SYNJ1: variants seen among roughly 807,000 people sequenced by gnomAD.
The protein encoded by SYNJ1 is polyphosphatidylinositol phosphatase SYNJ1.
SYNJ1 carries 78 observed loss-of-function variants against 168.2 expected under a neutral mutation model. The observed-to-expected ratio is 0.46, with a 90% CI of 0.39 to 0.56. SYNJ1 has a LOEUF of 0.56. SYNJ1 is among the 20% of genes least tolerant of loss of function. SYNJ1 has a pLI of 0.00. For missense variants in SYNJ1, 1,303 were observed against 1,597.6 expected, an observed-to-expected ratio of 0.82 and a Z score of 3.14; for synonymous variants, 539 against 548.6, an observed-to-expected ratio of 0.98 and a Z score of 0.24.
At chr21:32,673,044 T>C (rs1420885383) in intron 14 of SYNJ1, among the ~76,000 whole-genome samples, 2 of 152,224 alleles carry the variant, frequency 1.3e-5, no homozygotes, top group Non-Finnish European at 2.9e-5. Context: ...CTTATATGTG[T>C]GGTTGCCTTC....
chr21:32,645,674 A>C lies in SYNJ1; in HGVS notation c.3363T>G (p.Ala1121=). 1 of 1,518,774 alleles carries C rather than the reference A, an allele frequency of 6.6e-7. No homozygotes were observed. Among genetic ancestry groups the C allele is most frequent in the Non-Finnish European group, 8.8e-7 (1 of 1,138,714 alleles). 94.1% of individuals were successfully genotyped at this position (1,518,774 alleles called of 1,614,324 possible). A position where few individuals can be genotyped will look rare whatever the true frequency, so the allele number is the denominator to read the frequency against. ...PRPVAPPTRP[A]PPQRPPPPSG... ...AAGGCGGAGGAGGTCTCTGTGGGGG[A>C]GCCGGGCGTGTGGGAGGGGCGACCG... is the stretch of plus-strand genomic sequence containing the variant. Residue 1121 remains alanine, a synonymous_variant, in exon 25 of 33, where the codon GCT becomes GCG. Coordinates refer to ENST00000674351, the MANE Select transcript of SYNJ1 (RefSeq NM_203446.3).
At chr21:32,668,633 T>C (rs2041055742) in intron 15 of SYNJ1, among the ~76,000 whole-genome samples, 1 of 152,220 alleles carries the variant, frequency 6.6e-6, no homozygotes, top group African/African-American at 2.4e-5. Flanking sequence ...TATAATTTTC[T>C]CCTAAAAATC....
intron 5 of SYNJ1, 36 bp from the exon 6 acceptor site, chr21:32,694,347 C>T (rs1323496736): frequency 6.7e-7 from 1 of 1,487,622 alleles, no homozygotes; most frequent in East Asian, 2.5e-5. Flanking sequence ...ACTATTTCCA[C>T]AGAAAAGTTG....
chr21:32,631,794 G>A lies in SYNJ1; in HGVS notation c.*11C>T. On this transcript the variant is annotated 3_prime_UTR_variant, in exon 33 of 33. Coordinates refer to ENST00000674351, the MANE Select transcript of SYNJ1 (RefSeq NM_203446.3). ...TCTTTTGCCATCAGAGATTCCATTT[G>A]TTTTTACCTGCAAAAGAAAGGGAGC... 2 of 1,606,504 alleles carry A rather than the reference G, an allele frequency of 1.2e-6. No homozygotes were observed. Among genetic ancestry groups the A allele is most frequent in the South Asian group, 1.1e-5 (1 of 90,430 alleles).
At chr21:32,684,451 A>AT (rs2041746361) in intron 9 of SYNJ1, among the ~76,000 whole-genome samples, 1 of 152,190 alleles carries the variant, frequency 6.6e-6, no homozygotes, top group African/African-American at 2.4e-5. Flanking sequence ...ATAGAACAAA[A>AT]TTTTTTTAAA....
At chr21:32,664,756 T>C (rs999656808) in intron 18 of SYNJ1, among the ~76,000 whole-genome samples, 157 bp downstream of exon 18, 10 of 152,190 alleles carry the variant, frequency 6.6e-5, no homozygotes, top group African/African-American at 2.4e-4. Flanking sequence ...CTCATCCTGC[T>C]ACACTTTAAG....
chr21:32,718,889 C>G (rs928262884), intron 2 of SYNJ1, among the ~76,000 whole-genome samples: 1 of 152,170 alleles, frequency 6.6e-6, no homozygotes, highest in Admixed American at 6.5e-5. Flanking sequence ...CAATTACACT[C>G]TTAACCTTAA....
At chr21:32,647,169 A>C (rs1315790433) in intron 23 of SYNJ1, among the ~76,000 whole-genome samples, 1 of 152,204 alleles carries the variant, frequency 6.6e-6, no homozygotes, top group Non-Finnish European at 1.5e-5. Flanking sequence ...CTTGCAACCT[A>C]ACTGCCATTC....
At chr21:32,639,639 C>A in intron 30 of SYNJ1, 32 bp downstream of exon 30, 5 of 1,579,030 alleles carry the variant, frequency 3.2e-6, no homozygotes, top group Non-Finnish European at 4.3e-6. Context: ...CTCAAGTGAT[C>A]CTCCTGCCTC....
At chr21:32,682,438 T>C (rs1262233325) in intron 10 of SYNJ1, among the ~76,000 whole-genome samples, 2 of 152,148 alleles carry the variant, frequency 1.3e-5, no homozygotes, top group East Asian at 3.8e-4. Flanking sequence ...GTAAGTATGG[T>C]GATCATCCAT....
chr21:32,645,711 G>T lies in SYNJ1; in HGVS notation c.3326C>A (p.Pro1109Gln). Residue 1109 changes from proline (P) to glutamine (Q), a missense_variant, in exon 25 of 33, where the codon CCG becomes CAG. By Grantham distance (76) the Pro-to-Gln change is moderately conservative. This residue lies in a region of SYNJ1 where 383 missense variants were observed against 388.8 expected (regional missense o/e 0.99). Transcript: ENST00000674351. ...PAQPLEPKRPPPPRPVAPPTR... is the reference protein window; with the variant it reads ...PAQPLEPKRPQPPRPVAPPTR... ...GGGAGGGGCGACCGGGCGGGGCGGC[G>T]GCGGCCGCTTGGGCTCCAAGGGCTG... is the stretch of plus-strand genomic sequence containing the variant. 1 of 1,475,890 alleles carries T rather than the reference G, an allele frequency of 6.8e-7. No homozygotes were observed. The highest frequency in any genetic ancestry group is 2.4e-5 in the East Asian group (1 of 40,826). 91.4% of individuals were successfully genotyped at this position (1,475,890 alleles called of 1,614,324 possible).
At position 32,699,581 on chromosome 21, in the gene SYNJ1, C is replaced by T. The variant is rs556508636; in HGVS notation, c.479+257G>A. ...GAGTTCCGGGGCATTCTTTCCAACA[C>T]GTATACCACCCCCTCGTGCCTGCTC... On this transcript the variant is annotated intron_variant, in intron 4 of 32. Transcript: ENST00000674351. Among the ~76,000 whole-genome samples, 12 of 152,264 alleles carry T rather than the reference C, an allele frequency of 7.9e-5. No individual in the cohort carries two copies. The South Asian group carries it at 1.0e-3, about 13-fold the overall frequency.
chr21:32,696,644 ACT>A (rs756378119), intron 4 of SYNJ1, among the ~76,000 whole-genome samples: 3 of 151,914 alleles, frequency 2.0e-5, no homozygotes, highest in Non-Finnish European at 2.9e-5. Context: ...AGTGCTCCGT[ACT>A]CTCTCTCTCT....
At position 32,629,796 on chromosome 21, in the gene SYNJ1, T is replaced by A. The variant is rs1371457404; in HGVS notation, c.*2009A>T. 6.6e-6 allele frequency: 1 copy of A among 152,412 alleles called. No homozygotes were observed. The highest frequency in any genetic ancestry group is 1.5e-5 in the Non-Finnish European group (1 of 68,038). The allele number at this position is 152,412 out of a possible 1,614,324, so 9.4% of individuals were successfully genotyped here. A position where few individuals can be genotyped will look rare whatever the true frequency, so the allele number is the denominator to read the frequency against. On this transcript the variant is annotated 3_prime_UTR_variant, in exon 33 of 33. Coordinates refer to ENST00000674351, the MANE Select transcript of SYNJ1 (RefSeq NM_203446.3). ...AATTCTGTGTACTTCTTCAAAAAAT[T>A]AATAAAAGCGGGATCAGTTGCATAT...
intron 31 of SYNJ1, among the ~76,000 whole-genome samples, chr21:32,636,805 G>A (rs1227271194): frequency 6.6e-6 from 1 of 151,882 alleles, no homozygotes; most frequent in East Asian, 1.9e-4. Context: ...CTCCAAGAAA[G>A]AAAAGTGTGT....
intron 6 of SYNJ1, 31 bp from the exon 7 acceptor site, chr21:32,688,398 C>T (rs750266517): frequency 1.3e-6 from 2 of 1,578,996 alleles, no homozygotes. Context: ...TTAATCAAAC[C>T]AAAAACCAAC....
At chr21:32,643,310 G>T (rs2039924388) in intron 27 of SYNJ1, 100 bp downstream of exon 27, 4 of 1,231,494 alleles carry the variant, frequency 3.2e-6, no homozygotes. Flanking sequence ...ACCAAGAAAA[G>T]ATTTAGTATG....
chr21:32,672,346 G>GT (rs1055221279), intron 14 of SYNJ1, among the ~76,000 whole-genome samples: 11 of 149,136 alleles, frequency 7.4e-5, no homozygotes, highest in Non-Finnish European at 1.0e-4. Flanking sequence ...CTTTTTTTTT[G>GT]TTTTTTTGTT....
At position 32,650,270 on chromosome 21, in the gene SYNJ1, T is replaced by G; in HGVS notation, c.2951A>C (p.Glu984Ala). 1 of 1,614,126 alleles carries G rather than the reference T, an allele frequency of 6.2e-7. No homozygotes were observed. The highest frequency in any genetic ancestry group is 8.5e-7 in the Non-Finnish European group (1 of 1,180,006). The stretch of plus-strand genomic sequence containing the variant: ...TGATGGCAATGCAATGCTAATTTTC[T>G]CTAAACTCATTTCTTCTTCCAAATT... Reference protein sequence around the residue: ...IKNLEEEMSLEKISIALPSST... With the variant: ...IKNLEEEMSLAKISIALPSST... Residue 984 changes from glutamate (E) to alanine (A), a missense_variant, in exon 23 of 33, where the codon GAG (glutamate) becomes GCG (alanine). Physicochemically the swap from Glu to Ala is moderately radical, Grantham distance 107. Around this residue, in one of 2 missense-constraint regions of SYNJ1, gnomAD observed 920 missense variants for 1,208.8 expected, o/e 0.76. Transcript: ENST00000674351.
Sources: allele counts gnomAD v4.1 joint callset (sites outside exome capture counted in the v4.1 genomes callset), GRCh38; gene constraint gnomAD v4.1.1; regional missense constraint gnomAD v4.1.1; transcripts MANE v1.5; gene names NCBI Gene and HGNC (gene_info 2026-07-23, HGNC 2026-07-21).